SMIM13: variants seen among roughly 807,000 people sequenced by gnomAD.
SMIM13 encodes the protein small integral membrane protein 13.
SMIM13 carries 3 observed loss-of-function variants against 5.9 expected under a neutral mutation model. The observed-to-expected ratio is 0.51, with a 90% CI of 0.23 to 1.31. The LOEUF (loss-of-function observed/expected upper bound fraction) is 1.31, where lower values mean the gene tolerates loss of function less well. Ranked by LOEUF, SMIM13 falls within the 40% of genes most tolerant of loss-of-function variation. The pLI is 0.18. For missense variants in SMIM13, 85 were observed against 109.9 expected (o/e 0.77, Z 1.01); for synonymous variants, 55 against 46.0 (o/e 1.19, Z -0.79).
At chr6:11,124,327 C>T (rs925627357) in intron 1 of SMIM13, among the ~76,000 whole-genome samples, 1 of 152,210 alleles carries the variant, frequency 6.6e-6, no homozygotes, top group Non-Finnish European at 1.5e-5. Flanking sequence ...GACAGGATCT[C>T]ATTCTTTTCT....
At chr6:11,107,737 C>T (rs767156331) in intron 1 of SMIM13, among the ~76,000 whole-genome samples, 4 of 152,180 alleles carry the variant, frequency 2.6e-5, no homozygotes, top group Non-Finnish European at 4.4e-5. Flanking sequence ...TTATGATTCT[C>T]AGGTCCTGGA....
intron 1 of SMIM13, 32 bp downstream of exon 1, chr6:11,094,421 C>A: frequency 6.6e-7 from 1 of 1,511,542 alleles, no homozygotes; most frequent in East Asian, 2.5e-5. Flanking sequence ...GAGGCAGTTC[C>A]ACACGCCGGG....
At chr6:11,096,695 T>C (rs1375389658) in intron 1 of SMIM13, among the ~76,000 whole-genome samples, 1 of 149,902 alleles carries the variant, frequency 6.7e-6, no homozygotes, top group Non-Finnish European at 1.5e-5. Flanking sequence ...GTTTTGCTTT[T>C]TTTTTTCTTT....
At chr6:11,126,299 C>T (rs1014170211) in intron 1 of SMIM13, among the ~76,000 whole-genome samples, 2 of 152,202 alleles carry the variant, frequency 1.3e-5, no homozygotes, top group African/African-American at 4.8e-5. Context: ...CTGCCTGCCT[C>T]GGCTTCCCAA....
In SMIM13 at chr6:11,108,212, G is replaced by A. The variant is rs867479398; in HGVS notation, c.76+13823G>A. 2.0e-5 allele frequency among the ~76,000 whole-genome samples: 3 copies of A among 152,208 alleles called. No individual in the cohort carries two copies. In the South Asian group the frequency reaches 6.2e-4, roughly 31 times the overall value. ...GGAGGAGTAAACCTCCAGGTTACGG[G>A]CACTTCATATCCTCCCAGGAGGATA... On this transcript the variant is annotated intron_variant, in intron 1 of 1. Coordinates refer to ENST00000416247, the MANE Select transcript of SMIM13 (RefSeq NM_001135575.2).
At chr6:11,103,618 C>G in intron 1 of SMIM13, 1 of 1,464,536 alleles carries the variant, frequency 6.8e-7, no homozygotes, top group Admixed American at 2.7e-5. Flanking sequence ...AAAACCATAT[C>G]CAGCCAGGTC....
Position 11,134,755 on chromosome 6 carries a change from A to T in SMIM13, c.*153A>T. On this transcript the variant is annotated 3_prime_UTR_variant, in exon 2 of 2. Transcript: ENST00000416247. ...ATGTAAGCCATATAAAAATAAAGGG[A>T]ACTGAAACCAAATTGGACTATTATA... 1 of 538,184 alleles carries T rather than the reference A, an allele frequency of 1.9e-6. No individual in the cohort carries two copies. Among genetic ancestry groups the T allele is most frequent in the Non-Finnish European group, 3.0e-6 (1 of 328,070 alleles). 33.3% of individuals were successfully genotyped at this position (538,184 alleles called of 1,614,324 possible).
chr6:11,122,316 C>T (rs1758322331), intron 1 of SMIM13, among the ~76,000 whole-genome samples: 2 of 152,212 alleles, frequency 1.3e-5, no homozygotes, highest in South Asian at 4.1e-4. Flanking sequence ...ATACCTTTAA[C>T]TAGAATCGTT....
At chr6:11,100,383 C>T (rs1030102350) in intron 1 of SMIM13, among the ~76,000 whole-genome samples, 2 of 152,048 alleles carry the variant, frequency 1.3e-5, no homozygotes, top group South Asian at 4.1e-4. Flanking sequence ...TGTTATGTGC[C>T]CCCTACCAGA....
chr6:11,137,892 T>G lies in SMIM13; in HGVS notation c.*3290T>G, dbSNP rs930657378. ...GCGGTGGACAGCCACTTCACAGACA[T>G]GCAGACCCATTTCTTTAGAGATATT... On this transcript the variant is annotated 3_prime_UTR_variant, in exon 2 of 2. Coordinates refer to ENST00000416247, the MANE Select transcript of SMIM13 (RefSeq NM_001135575.2). The G allele has an allele frequency of 2.0e-5, 3 of 152,204 alleles. No homozygotes were observed. The highest frequency in any genetic ancestry group is 4.4e-5 in the Non-Finnish European group (3 of 68,036). 9.4% of individuals were successfully genotyped at this position (152,204 alleles called of 1,614,324 possible).
At chr6:11,132,560 A>G (rs895413735) in intron 1 of SMIM13, among the ~76,000 whole-genome samples, 19 of 152,232 alleles carry the variant, frequency 1.2e-4, no homozygotes, top group African/African-American at 4.3e-4. Flanking sequence ...ACAGAATGTA[A>G]TATATACATA....
intron 1 of SMIM13, chr6:11,103,895 A>G: frequency 1.3e-6 from 2 of 1,551,706 alleles, no homozygotes; most frequent in Non-Finnish European, 8.7e-7. Context: ...TTCCTTCCCA[A>G]TTTAACCAAC....
chr6:11,104,039 C>A, intron 1 of SMIM13: 1 of 1,551,688 alleles, frequency 6.4e-7, no homozygotes, highest in Non-Finnish European at 8.7e-7. Flanking sequence ...CCTGTGCTGC[C>A]GTTAACATGT....
chr6:11,113,417 T>G (rs139157865), intron 1 of SMIM13, among the ~76,000 whole-genome samples: 21 of 152,348 alleles, frequency 1.4e-4, no homozygotes, highest in African/African-American at 5.0e-4. Flanking sequence ...TCTTTCTACC[T>G]TCTGTGTAAA....
At chr6:11,130,263 A>AC (rs1399560549) in intron 1 of SMIM13, among the ~76,000 whole-genome samples, 1,554 of 138,970 alleles carry the variant, frequency 0.011, 19 homozygotes, top group African/African-American at 0.03. Context: ...TAAAAAAAAA[A>AC]AAAAAACAAC....
In SMIM13 at chr6:11,104,812, G is replaced by A. The variant is rs776530304; in HGVS notation, c.76+10423G>A. On this transcript the variant is annotated intron_variant, in intron 1 of 1. Transcript: ENST00000416247. ...GGTTTGGGGAATCTTGGTTGATGGC[G>A]GAATTGGTTGTGGGTGTATGTTTGG... 6.8e-5 allele frequency: 110 copies of A among 1,614,068 alleles called. No homozygotes were observed. Among genetic ancestry groups the A allele is most frequent in the South Asian group, 4.5e-4 (41 of 91,092 alleles).
At chr6:11,118,814 C>T (rs2327335) in intron 1 of SMIM13, among the ~76,000 whole-genome samples, 32,785 of 152,132 alleles carry the variant, frequency 0.22, 3,884 homozygotes, top group African/African-American at 0.31. Flanking sequence ...TAGGCATTCA[C>T]TTTAGCTTGT....
Position 11,104,578 on chromosome 6 carries a change from C to T in SMIM13, c.76+10189C>T, listed in dbSNP as rs1758054584. On this transcript the variant is annotated intron_variant, in intron 1 of 1. Coordinates refer to ENST00000416247, the MANE Select transcript of SMIM13 (RefSeq NM_001135575.2). Reference sequence around the variant, plus strand: ...CAGGGTGTTTGGCTCTGGTTAGCTCCCTTGGTTTTATTTTCCCAAAAAAGA... The same window carrying T: ...CAGGGTGTTTGGCTCTGGTTAGCTCTCTTGGTTTTATTTTCCCAAAAAAGA... The T allele has an allele frequency of 1.9e-6, 3 of 1,612,272 alleles. No individual in the cohort carries two copies. The East Asian group carries it at 6.7e-5, about 36-fold the overall frequency.
At chr6:11,098,503 G>A (rs1023805083) in intron 1 of SMIM13, among the ~76,000 whole-genome samples, 1 of 152,156 alleles carries the variant, frequency 6.6e-6, no homozygotes, top group Admixed American at 6.5e-5. Flanking sequence ...TGCAATCTTG[G>A]TTCACTGCAA....
Sources: gnomAD v4.1 joint callset for allele counts (sites outside exome capture counted in the v4.1 genomes callset) on GRCh38, gnomAD v4.1.1 for gene constraint, MANE v1.5 for transcripts, NCBI Gene and HGNC (gene_info 2026-07-23, HGNC 2026-07-21) for gene names.